GTF2IRD2B: variants seen among roughly 807,000 people sequenced by gnomAD.
GTF2IRD2B encodes general transcription factor II-I repeat domain-containing protein 2B.
GTF2IRD2B carries 10 observed loss-of-function variants against 55.6 expected under a neutral mutation model. That is an observed-to-expected ratio of 0.18 (90% CI 0.11 to 0.31). GTF2IRD2B has a LOEUF of 0.31. Among genes scored for constraint, GTF2IRD2B ranks in the 10% least tolerant of loss-of-function variants. The probability of loss-of-function intolerance (pLI) is 1.00; values close to 1 mark genes in which losing one functional copy is unlikely to be tolerated. For synonymous variants in GTF2IRD2B, 107 were observed against 320.5 expected (o/e 0.33, Z 7.12); for missense variants, 206 against 802.7 (o/e 0.26, Z 8.98).
intron 3 of GTF2IRD2B, 38 bp downstream of exon 3, chr7:75,112,573 CA>C: frequency 1.1e-6 from 1 of 933,900 alleles, no homozygotes; most frequent in Non-Finnish European, 1.6e-6. Flanking sequence ...TTCCCAATCT[CA>C]AAAGGATCGC....
chr7:75,109,111 C>T lies in GTF2IRD2B; in HGVS notation c.99+48C>T, dbSNP rs782711819. ...TGACATTCCATAGATGGATCATTGTCGAAATGACAGAATCATGAAACACTT... is the reference window on the plus strand; with the variant it reads ...TGACATTCCATAGATGGATCATTGTTGAAATGACAGAATCATGAAACACTT... On this transcript the variant is annotated intron_variant, in intron 2 of 15. Transcript: ENST00000472837. 15 of 680,972 alleles carry T rather than the reference C, an allele frequency of 2.2e-5. 7 individuals carry two copies. The highest frequency in any genetic ancestry group is 7.7e-5 in the Admixed American group (2 of 25,962). The allele number at this position is 680,972 out of a possible 1,614,324, so 42.2% of individuals were successfully genotyped here.
intron 1 of GTF2IRD2B, among the ~76,000 whole-genome samples, chr7:75,104,958 G>A (rs1291556427): frequency 3.3e-5 from 5 of 152,306 alleles, no homozygotes; most frequent in African/African-American, 9.6e-5. Flanking sequence ...ACTGGTGTGG[G>A]AGGCAGAAGC....
In GTF2IRD2B at chr7:75,148,606, T is replaced by G; in HGVS notation, c.2159T>G (p.Leu720Arg). The G allele has an allele frequency of 1.5e-6, 1 of 655,200 alleles. No individual in the cohort carries two copies. The highest frequency in any genetic ancestry group is 2.7e-6 in the Non-Finnish European group (1 of 368,402). The allele number at this position is 655,200 out of a possible 1,614,324, so 40.6% of individuals were successfully genotyped here. ...AAGTGGCTCAGTCGCGGGCTCGTGC[T>G]AAAGAGATTTTTCGAATCCTTGGAA... ...EIKWLSRGLV[L>R]KRFFESLEEI... The change falls in exon 16 of 16, where the codon CTA becomes CGA. Residue 720 changes from leucine (L) to arginine (R), a missense_variant. Coordinates refer to ENST00000472837, the MANE Select transcript of GTF2IRD2B (RefSeq NM_001003795.3).
intron 4 of GTF2IRD2B, among the ~76,000 whole-genome samples, chr7:75,122,812 C>T (rs1447206147): frequency 1.2e-4 from 18 of 149,820 alleles, no homozygotes; most frequent in Non-Finnish European, 2.4e-4. Context: ...CTTTGGCAGG[C>T]TAAGGTGGGT....
rs782055415 is a variant in GTF2IRD2B, at chr7:75,109,110, T to C, written c.99+47T>C. On this transcript the variant is annotated intron_variant, in intron 2 of 15. Coordinates refer to ENST00000472837, the MANE Select transcript of GTF2IRD2B (RefSeq NM_001003795.3). The stretch of plus-strand genomic sequence containing the variant: ...CTGACATTCCATAGATGGATCATTG[T>C]CGAAATGACAGAATCATGAAACACT... 2 of 686,832 alleles carry C rather than the reference T, an allele frequency of 2.9e-6. 1 individual carries two copies. Among genetic ancestry groups the C allele is most frequent in the Non-Finnish European group, 4.4e-6 (2 of 456,796 alleles). The allele number at this position is 686,832 out of a possible 1,614,324, so 42.5% of individuals were successfully genotyped here.
In GTF2IRD2B at chr7:75,148,110, A is replaced by G; in HGVS notation, c.1663A>G (p.Thr555Ala). The change falls in exon 16 of 16, where the codon ACG (threonine) becomes GCG (alanine). Residue 555 changes from threonine (T) to alanine (A), a missense_variant. Transcript: ENST00000472837. The stretch of plus-strand genomic sequence containing the variant: ...ATATTCTATCGCAATCGATGAGATC[A>G]CGGATATAAATAATACCACCCAGTT... Reference protein sequence around the residue: ...VAYSIAIDEITDINNTTQLAI... With the variant: ...VAYSIAIDEIADINNTTQLAI... 1.2e-6 allele frequency: 2 copies of G among 1,612,416 alleles called. No homozygotes were observed. Among genetic ancestry groups the G allele is most frequent in the Non-Finnish European group, 1.7e-6 (2 of 1,179,062 alleles).
intron 1 of GTF2IRD2B, among the ~76,000 whole-genome samples, chr7:75,105,479 G>A (rs1326566565): frequency 6.6e-6 from 1 of 152,306 alleles, no homozygotes; most frequent in Non-Finnish European, 1.5e-5. Flanking sequence ...ACTCTAGCCT[G>A]GGTGACAGAG....
chr7:75,145,626 G>C (rs1470998856), intron 15 of GTF2IRD2B, among the ~76,000 whole-genome samples: 1 of 147,054 alleles, frequency 6.8e-6, no homozygotes, highest in East Asian at 2.0e-4. Flanking sequence ...CCAGCTACTC[G>C]GGAGGCTGAG....
chr7:75,106,941 A>G (rs1807825711), intron 1 of GTF2IRD2B, among the ~76,000 whole-genome samples: 1 of 150,378 alleles, frequency 6.6e-6, no homozygotes, highest in Non-Finnish European at 1.5e-5. Flanking sequence ...CAAAACAAAC[A>G]AAAAGCTAAA....
At chr7:75,117,384 A>G (rs1183846055) in intron 3 of GTF2IRD2B, among the ~76,000 whole-genome samples, 1 of 152,268 alleles carries the variant, frequency 6.6e-6, no homozygotes, top group Admixed American at 6.5e-5. Flanking sequence ...AATCCCAGCT[A>G]CTCGGGAGGG....
chr7:75,102,248 G>T (rs1233329296), intron 1 of GTF2IRD2B, among the ~76,000 whole-genome samples: 2 of 151,314 alleles, frequency 1.3e-5, no homozygotes, highest in Non-Finnish European at 2.9e-5. Flanking sequence ...TGATCCGTCC[G>T]CCTCGGCCTC....
intron 8 of GTF2IRD2B, among the ~76,000 whole-genome samples, chr7:75,132,548 C>CTTTTTT (rs1159887977): frequency 2.1e-3 from 182 of 85,396 alleles, no homozygotes; most frequent in Non-Finnish European, 3.0e-3. Context: ...CTCCTTCCTT[C>CTTTTTT]TTTTTTTTTT....
intron 1 of GTF2IRD2B, among the ~76,000 whole-genome samples, chr7:75,101,886 C>T (rs1807574296): frequency 3.1e-5 from 4 of 128,408 alleles, no homozygotes; most frequent in Middle Eastern, 3.6e-3. Context: ...AGAGCAAGAC[C>T]CCATCTCAAA....
rs1163873107 is a variant in GTF2IRD2B at position 75,109,074 on chromosome 7, C to T, written c.99+11C>T. On this transcript the variant is annotated intron_variant, in intron 2 of 15. Coordinates refer to ENST00000472837, the MANE Select transcript of GTF2IRD2B (RefSeq NM_001003795.3). ...GCCCTCGAATCCATGGTGAGACAGCCGGACACTTGTCTGACATTCCATAGA... is the reference window on the plus strand; with the variant it reads ...GCCCTCGAATCCATGGTGAGACAGCTGGACACTTGTCTGACATTCCATAGA... 1.4e-5 allele frequency: 10 copies of T among 739,046 alleles called. 3 individuals are homozygous for T. Among genetic ancestry groups the T allele is most frequent in the South Asian group, 1.2e-4 (6 of 48,706 alleles). 45.8% of individuals were successfully genotyped at this position (739,046 alleles called of 1,614,324 possible).
In GTF2IRD2B at chr7:75,148,120, A is replaced by G; in HGVS notation, c.1673A>G (p.Asn558Ser). ...SIAIDEITDI[N>S]NTTQLAIFIR... ...GCAATCGATGAGATCACGGATATAA[A>G]TAATACCACCCAGTTGGCCATATTC... Residue 558 changes from asparagine (N) to serine (S), a missense_variant, in exon 16 of 16, where the codon AAT becomes AGT. Coordinates refer to ENST00000472837, the MANE Select transcript of GTF2IRD2B (RefSeq NM_001003795.3). 1 of 1,612,782 alleles carries G rather than the reference A, an allele frequency of 6.2e-7. No homozygotes were observed. The highest frequency in any genetic ancestry group is 1.1e-5 in the South Asian group (1 of 91,018).
At chr7:75,111,923 C>T (rs55908762) in intron 2 of GTF2IRD2B, among the ~76,000 whole-genome samples, 158 of 938 alleles carry the variant, frequency 0.17, 14 homozygotes, top group East Asian at 0.5. Context: ...TTTTGATTTC[C>T]TTTCTCAGTG....
At chr7:75,121,212 T>G (rs1329396720) in intron 4 of GTF2IRD2B, among the ~76,000 whole-genome samples, 23 of 151,038 alleles carry the variant, frequency 1.5e-4, no homozygotes, top group African/African-American at 5.6e-4. Flanking sequence ...AATTTTTGTA[T>G]TTTTAGTAGA....
At chr7:75,145,731 C>T (rs1246169845) in intron 15 of GTF2IRD2B, among the ~76,000 whole-genome samples, 1 of 83,714 alleles carries the variant, frequency 1.2e-5, no homozygotes, top group African/African-American at 4.4e-5. Flanking sequence ...GACTCTGTCT[C>T]AAAAAAAAAA....
rs1241365723 is a variant in GTF2IRD2B at position 75,127,023 on chromosome 7, A to G, written c.670+638A>G. ...AAAAAAAACAAAAACAAAAACAAAA[A>G]CAAAAAAAACAAAAAAAAGAACCAA... On this transcript the variant is annotated intron_variant, in intron 8 of 15. Coordinates refer to ENST00000472837, the MANE Select transcript of GTF2IRD2B (RefSeq NM_001003795.3). Among the ~76,000 whole-genome samples, 3 of 131,848 alleles carry G rather than the reference A, an allele frequency of 2.3e-5. 1 individual carries two copies. Among genetic ancestry groups the G allele is most frequent in the African/African-American group, 5.2e-5 (2 of 38,202 alleles). 86.5% of individuals were successfully genotyped at this position (131,848 alleles called of 152,430 possible).
Sources: gnomAD v4.1 joint callset for allele counts (sites outside exome capture counted in the v4.1 genomes callset) on GRCh38, gnomAD v4.1.1 for gene constraint, MANE v1.5 for transcripts, NCBI Gene and HGNC (gene_info 2026-07-23, HGNC 2026-07-21) for gene names.